The following GPC1 variants were observed in gnomAD, a reference collection of about 807,000 sequenced individuals.
The protein encoded by GPC1 is glypican-1.
A neutral mutation model predicts 51.5 loss-of-function variants in GPC1; 26 were observed. The ratio of observed to expected loss-of-function variants is 0.50; its 90% CI spans 0.37 to 0.70. The LOEUF (loss-of-function observed/expected upper bound fraction) is 0.70. Among genes scored for constraint, GPC1 ranks in the 30% least tolerant of loss-of-function variants. GPC1 has a pLI of 0.00. For synonymous variants in GPC1, 380 were observed against 348.3 expected (o/e 1.09, Z -1.01); for missense variants, 775 against 800.5 (o/e 0.97, Z 0.38).
At chr2:240,436,227 G>A in intron 1 of GPC1, 143 bp downstream of exon 1, 1 of 473,764 alleles carries the variant, frequency 2.1e-6, no homozygotes, top group Non-Finnish European at 3.4e-6. Context: ...GGCTCCCTGC[G>A]CTGCGGCTCC....
chr2:240,450,050 T>C, intron 1 of GPC1: 1 of 379,422 alleles, frequency 2.6e-6, no homozygotes, highest in East Asian at 7.4e-5. Flanking sequence ...TCCAGTTCTT[T>C]GGGGCCAAAT....
chr2:240,459,893 G>A (rs919548378), intron 2 of GPC1, among the ~76,000 whole-genome samples: 2 of 152,146 alleles, frequency 1.3e-5, no homozygotes, highest in Non-Finnish European at 2.9e-5. Flanking sequence ...AGGACTTGGT[G>A]GAGGGAGGCG....
intron 4 of GPC1, 63 bp downstream of exon 4, chr2:240,463,575 G>C: frequency 6.9e-7 from 1 of 1,451,310 alleles, no homozygotes; most frequent in Non-Finnish European, 9.6e-7. Flanking sequence ...TGGGGGTCCT[G>C]GGGGGCGGGT....
chr2:240,452,491 G>A (rs184082087), intron 1 of GPC1: 2,814 of 152,496 alleles, frequency 0.018, 85 homozygotes, highest in African/African-American at 0.065. Flanking sequence ...CTCCGGGGAG[G>A]GGCCCCGGCT....
At position 240,462,247 on chromosome 2, in the gene GPC1, G is replaced by C; in HGVS notation, c.382G>C (p.Gly128Arg). The stretch of plus-strand genomic sequence containing the variant: ...GCGGACGCTGCAGGCCACCTTCCCC[G>C]GCGCCTTCGGAGAGCTGTACACGCA... ...SERTLQATFP[G>R]AFGELYTQNA... The change falls in exon 3 of 9, where the codon GGC becomes CGC. Residue 128 changes from glycine to arginine, a missense_variant. Physicochemically the swap from Gly to Arg is moderately radical, Grantham distance 125. Transcript: ENST00000264039. 6.2e-7 allele frequency: 1 copy of C among 1,610,374 alleles called. No homozygotes were observed. The highest frequency in any genetic ancestry group is 8.5e-7 in the Non-Finnish European group (1 of 1,178,674).
At position 240,435,960 on chromosome 2, in the gene GPC1, C is replaced by G; in HGVS notation, c.42C>G (p.Ala14=). 7.6e-7 allele frequency: 1 copy of G among 1,322,376 alleles called. No homozygotes were observed. The highest frequency in any genetic ancestry group is 2.0e-5 in the South Asian group (1 of 48,798). The allele number at this position is 1,322,376 out of a possible 1,614,324, so 81.9% of individuals were successfully genotyped here. ...RARGWWLLCA[A]AALVACARGD... ...GAGGCTGGTGGCTGCTATGTGCGGC[C>G]GCAGCGCTGGTCGCCTGCGCCCGCG... The change falls in exon 1 of 9, where the codon GCC becomes GCG. Residue 14 remains alanine, a synonymous_variant. Coordinates refer to ENST00000264039, the MANE Select transcript of GPC1 (RefSeq NM_002081.3).
intron 2 of GPC1, among the ~76,000 whole-genome samples, chr2:240,459,564 C>T (rs906806686): frequency 6.6e-6 from 1 of 152,218 alleles, no homozygotes; most frequent in East Asian, 1.9e-4. Context: ...CCCCAGGCCA[C>T]TGCCCCTGGG....
chr2:240,449,106 G>A (rs1259758804), intron 1 of GPC1, among the ~76,000 whole-genome samples: 1 of 152,190 alleles, frequency 6.6e-6, no homozygotes, highest in African/African-American at 2.4e-5. Flanking sequence ...AATTGAGATA[G>A]TGCTGATTTC....
intron 1 of GPC1, among the ~76,000 whole-genome samples, chr2:240,442,900 A>C (rs1284322899): frequency 6.6e-6 from 1 of 152,138 alleles, no homozygotes; most frequent in Non-Finnish European, 1.5e-5. Context: ...TGAGGGAGTG[A>C]CCACGCCCCA....
chr2:240,444,549 C>G (rs896653540), intron 1 of GPC1, among the ~76,000 whole-genome samples: 1 of 152,184 alleles, frequency 6.6e-6, no homozygotes, highest in African/African-American at 2.4e-5. Context: ...CAGCAGCGAC[C>G]GGATCCCTAG....
At chr2:240,461,628 T>C (rs781575214) in intron 2 of GPC1, among the ~76,000 whole-genome samples, 1 of 152,088 alleles carries the variant, frequency 6.6e-6, no homozygotes, top group Non-Finnish European at 1.5e-5. Flanking sequence ...CCCGGGGTGC[T>C]CACAGCTGAA....
chr2:240,459,012 A>G lies in GPC1; in HGVS notation c.167-18A>G, dbSNP rs375414891. On this transcript the variant is annotated intron_variant, in intron 1 of 8. Coordinates refer to ENST00000264039, the MANE Select transcript of GPC1 (RefSeq NM_002081.3). ...TGCTGTCCCAGCCCCTCTCCCTCAC[A>G]CTGGCCTTTCCCCACAGGTGAGCAC... is the stretch of plus-strand genomic sequence containing the variant. 1.4e-5 allele frequency: 22 copies of G among 1,610,696 alleles called. 2 individuals are homozygous for G. In the South Asian group the frequency reaches 2.0e-4, roughly 15 times the overall value.
chr2:240,441,938 G>C (rs894830715), intron 1 of GPC1, among the ~76,000 whole-genome samples: 3 of 152,314 alleles, frequency 2.0e-5, no homozygotes, highest in Non-Finnish European at 2.9e-5. Flanking sequence ...GGGTGGCGGG[G>C]AAGTACAGGT....
At chr2:240,459,628 G>A (rs2074199724) in intron 2 of GPC1, among the ~76,000 whole-genome samples, 1 of 152,212 alleles carries the variant, frequency 6.6e-6, no homozygotes, top group Admixed American at 6.5e-5. Context: ...ACTGGGGCTG[G>A]GGACAGGGCT....
Position 240,466,145 on chromosome 2 carries a change from G to A in GPC1, c.1532G>A (p.Arg511Gln), listed in dbSNP as rs150103667. Residue 511 changes from arginine (R) to glutamine (Q), a missense_variant, in exon 9 of 9, where the codon CGG becomes CAG. Arg to Gln is a conservative substitution (Grantham distance 43, BLOSUM62 1). Coordinates refer to ENST00000264039, the MANE Select transcript of GPC1 (RefSeq NM_002081.3). Reference sequence around the variant, plus strand: ...GTCAGCAGGAAGAGCTCCAGCTCCCGGACGCCCTTGACCCATGCCCTCCCA... The same window carrying A: ...GTCAGCAGGAAGAGCTCCAGCTCCCAGACGCCCTTGACCCATGCCCTCCCA... The part of the protein sequence containing the change: ...RKVSRKSSSS[R>Q]TPLTHALPGL... The A allele has an allele frequency of 8.8e-4, 1,416 of 1,612,828 alleles. 5 individuals carry two copies. Among genetic ancestry groups the A allele is most frequent in the Non-Finnish European group, 6.7e-4 (788 of 1,179,662 alleles).
Position 240,435,727 on chromosome 2 carries a change from A to ACCCCGCGCG in GPC1, c.-183_-175dup, listed in dbSNP as rs942559412. ...GCCCGAGCGAGCGTTCGGACCTCGCACCCCGCGCGCCCCGCGCCGCCGCCG... is the reference window on the plus strand; with the variant it reads ...GCCCGAGCGAGCGTTCGGACCTCGCACCCCGCGCGCCCCGCGCGCCCCGCGCCGCCGCCG... On this transcript the variant is annotated 5_prime_UTR_variant, in exon 1 of 9. Coordinates refer to ENST00000264039, the MANE Select transcript of GPC1 (RefSeq NM_002081.3). The ACCCCGCGCG allele has an allele frequency of 5.5e-5, 14 of 255,008 alleles. No homozygotes were observed. The highest frequency in any genetic ancestry group is 1.2e-3 in the Middle Eastern group (1 of 830). The allele number at this position is 255,008 out of a possible 1,614,324, so 15.8% of individuals were successfully genotyped here.
chr2:240,463,113 G>A (rs762681680), intron 3 of GPC1, among the ~76,000 whole-genome samples: 40 of 151,276 alleles, frequency 2.6e-4, no homozygotes, highest in Middle Eastern at 3.4e-3. Context: ...TTTCCTCAGC[G>A]GCATGCGGGT....
At chr2:240,459,271 C>T in intron 2 of GPC1, 83 bp downstream of exon 2, 2 of 1,308,684 alleles carry the variant, frequency 1.5e-6, no homozygotes, top group Non-Finnish European at 2.1e-6. Context: ...CCTGGTGTGT[C>T]AATGCCAAGG....
chr2:240,457,155 C>T (rs2074173019), intron 1 of GPC1, among the ~76,000 whole-genome samples: 2 of 152,170 alleles, frequency 1.3e-5, no homozygotes, highest in South Asian at 4.1e-4. Flanking sequence ...GACTCCCTCC[C>T]CCTCTAGCTC....
Sources: allele counts gnomAD v4.1 joint callset (sites outside exome capture counted in the v4.1 genomes callset), GRCh38; gene constraint gnomAD v4.1.1; transcripts MANE v1.5; gene names NCBI Gene and HGNC (gene_info 2026-07-23, HGNC 2026-07-21).